Variants in PALM2AKAP2 observed in about 807,000 individuals in gnomAD.
PALM2AKAP2 encodes PALM2 and AKAP2 fusion, also known as PALM2-AKAP2 fusion protein.
PALM2AKAP2 carries 37 observed loss-of-function variants against 71.5 expected under a neutral mutation model. The observed-to-expected ratio is 0.52, with a 90% CI of 0.40 to 0.68. PALM2AKAP2 has a LOEUF of 0.68. Among genes scored for constraint, PALM2AKAP2 ranks in the 30% least tolerant of loss-of-function variants. The pLI is 0.00. For missense variants in PALM2AKAP2, 1,224 were observed against 1,191.8 expected, an observed-to-expected ratio of 1.03 and a Z score of -0.40; for synonymous variants, 468 against 478.8, an observed-to-expected ratio of 0.98 and a Z score of 0.29.
chr9:109,860,747 C>T (rs1020568059), intron 1 of PALM2AKAP2, among the ~76,000 whole-genome samples: 1 of 152,124 alleles, frequency 6.6e-6, no homozygotes, highest in Middle Eastern at 3.2e-3. Flanking sequence ...AATAGCATCC[C>T]CACCCATTCC....
chr9:109,851,175 T>TCAAAAACAACAA (rs1554720621), intron 1 of PALM2AKAP2, among the ~76,000 whole-genome samples: 1 of 130,134 alleles, frequency 7.7e-6, no homozygotes, highest in Non-Finnish European at 1.6e-5. Context: ...AGACTCCGTC[T>TCAAAAACAACAA]CAACAACAAC....
chr9:110,037,434 G>A (rs1588071573), intron 7 of PALM2AKAP2, among the ~76,000 whole-genome samples: 1 of 152,300 alleles, frequency 6.6e-6, no homozygotes. Context: ...TCGAACTCCC[G>A]ACCTCAGGTA....
intron 1 of PALM2AKAP2, among the ~76,000 whole-genome samples, chr9:109,748,143 C>G (rs1828831574): frequency 6.6e-6 from 1 of 152,156 alleles, no homozygotes; most frequent in Non-Finnish European, 1.5e-5. Flanking sequence ...TGATTAACCA[C>G]TTGGAATGAA....
chr9:109,729,244 G>T (rs1291229605), intron 1 of PALM2AKAP2, among the ~76,000 whole-genome samples: 3 of 152,166 alleles, frequency 2.0e-5, no homozygotes, highest in Admixed American at 1.3e-4. Context: ...GACTCCCATG[G>T]CCACCTGAGC....
intron 3 of PALM2AKAP2, 60 bp downstream of exon 10, chr9:110,162,192 G>A: frequency 6.2e-7 from 1 of 1,601,196 alleles, no homozygotes; most frequent in Non-Finnish European, 8.6e-7. Context: ...GCATGCTGTT[G>A]TGGTTTGCCA....
intron 6 of PALM2AKAP2, among the ~76,000 whole-genome samples, chr9:109,964,695 T>C (rs1305470157): frequency 6.6e-6 from 1 of 152,120 alleles, no homozygotes; most frequent in Non-Finnish European, 1.5e-5. Context: ...AGCTGGGAAC[T>C]TGAGCTCAAG....
chr9:109,947,826 A>G (rs1831546031), intron 6 of PALM2AKAP2, among the ~76,000 whole-genome samples: 1 of 152,218 alleles, frequency 6.6e-6, no homozygotes, highest in South Asian at 2.1e-4. Context: ...CACATTTGCT[A>G]TTGAAACCAC....
chr9:109,770,203 G>T (rs1015846289), intron 1 of PALM2AKAP2, among the ~76,000 whole-genome samples: 2 of 132,834 alleles, frequency 1.5e-5, no homozygotes, highest in African/African-American at 6.8e-5. Context: ...TCTGGGTCTT[G>T]AAGATAAACC....
At chr9:109,670,631 A>G (rs1431483158) in intron 1 of PALM2AKAP2, among the ~76,000 whole-genome samples, 1 of 152,158 alleles carries the variant, frequency 6.6e-6, no homozygotes. Flanking sequence ...TTGGGCATAT[A>G]TTCAGTAATG....
intron 1 of PALM2AKAP2, chr9:109,771,899 C>T (rs935561068): frequency 3.3e-5 from 5 of 152,326 alleles, no homozygotes; most frequent in African/African-American, 1.2e-4. Context: ...ACCTCCCTCT[C>T]CTCCCCTCCC....
chr9:110,021,328 C>G (rs1360104077), intron 7 of PALM2AKAP2, among the ~76,000 whole-genome samples: 2 of 152,132 alleles, frequency 1.3e-5, no homozygotes, highest in African/African-American at 4.8e-5. Flanking sequence ...TTCTCTAGAG[C>G]CTTTGGAGGG....
At chr9:110,089,443 G>T (rs1374470588) in intron 1 of PALM2AKAP2, among the ~76,000 whole-genome samples, 2 of 152,130 alleles carry the variant, frequency 1.3e-5, no homozygotes, top group Non-Finnish European at 2.9e-5. Flanking sequence ...TGATTCCAGG[G>T]GCCAGTGGAT....
chr9:110,086,334 G>T (rs1205665003), intron 1 of PALM2AKAP2, among the ~76,000 whole-genome samples: 2 of 152,154 alleles, frequency 1.3e-5, no homozygotes, highest in Non-Finnish European at 2.9e-5. Context: ...TAAAAGGTCT[G>T]AGAGATGTGC....
At chr9:109,907,751 G>A (rs1265667360) in intron 3 of PALM2AKAP2, among the ~76,000 whole-genome samples, 1 of 152,170 alleles carries the variant, frequency 6.6e-6, no homozygotes, top group Non-Finnish European at 1.5e-5. Flanking sequence ...CTCCACTGAG[G>A]AGAAGCTGTC....
intron 6 of PALM2AKAP2, among the ~76,000 whole-genome samples, chr9:110,006,195 T>G (rs999121500): frequency 3.3e-5 from 5 of 151,902 alleles, no homozygotes; most frequent in African/African-American, 9.7e-5. Flanking sequence ...TTTCTTTCAT[T>G]CTTTCTCTCT....
At chr9:109,792,243 C>T (rs113423399) in intron 1 of PALM2AKAP2, among the ~76,000 whole-genome samples, 40 of 152,260 alleles carry the variant, frequency 2.6e-4, no homozygotes, top group African/African-American at 9.1e-4. Context: ...GTAAAAACTA[C>T]AAGCACTCTT....
chr9:110,052,976 A>T (rs568371832), intron 1 of PALM2AKAP2, among the ~76,000 whole-genome samples: 1 of 152,350 alleles, frequency 6.6e-6, no homozygotes, highest in South Asian at 2.1e-4. Context: ...GCCAGAAAAG[A>T]AAAGGATCGA....
chr9:109,840,217 A>T lies in PALM2AKAP2; in HGVS notation c.46-27274A>T, dbSNP rs902413107. Among the ~76,000 whole-genome samples, 11 of 152,264 alleles carry T rather than the reference A, an allele frequency of 7.2e-5. No homozygotes were observed. In the South Asian group the frequency reaches 8.3e-4, roughly 12 times the overall value. ...AGCCCTCAGAAATAATACCACACAT[A>T]TGCAACCATCTGATCTTTGACAAAC... is the stretch of plus-strand genomic sequence containing the variant. On this transcript the variant is annotated intron_variant, in intron 1 of 9. Transcript: ENST00000302798.
chr9:109,957,624 G>T (rs1197205091), intron 6 of PALM2AKAP2, among the ~76,000 whole-genome samples: 1 of 152,194 alleles, frequency 6.6e-6, no homozygotes, highest in Non-Finnish European at 1.5e-5. Context: ...ATTCCCACCT[G>T]CAGGGTGAAC....
Sources: allele counts gnomAD v4.1 joint callset (sites outside exome capture counted in the v4.1 genomes callset), GRCh38; gene constraint gnomAD v4.1.1; transcripts MANE v1.5; gene names NCBI Gene and HGNC (gene_info 2026-07-23, HGNC 2026-07-21).